The following PCDH15 variants were observed in gnomAD, a reference collection of about 807,000 sequenced individuals.
PCDH15 encodes protocadherin related 15.
PCDH15 carries 129 observed loss-of-function variants against 178.5 expected under a neutral mutation model. That is an observed-to-expected ratio of 0.72 (90% CI 0.63 to 0.84). PCDH15 has a LOEUF of 0.84. Ranked by LOEUF, PCDH15 falls within the 40% of genes least tolerant of loss-of-function variation. The pLI, the probability that PCDH15 is intolerant of heterozygous loss-of-function variation, is 0.00. For synonymous variants in PCDH15, 800 were observed against 732.0 expected, an observed-to-expected ratio of 1.09 and a Z score of -1.50; for missense variants, 2,230 against 2,099.9, an observed-to-expected ratio of 1.06 and a Z score of -1.21.
In PCDH15 at chr10:55,511,966, C is replaced by T. The variant is rs139033508; in HGVS notation, c.-156+115659G>A. 4.3e-3 allele frequency among the ~76,000 whole-genome samples: 655 copies of T among 152,154 alleles called. 4 individuals carry two copies. Among genetic ancestry groups the T allele is most frequent in the African/African-American group, 0.015 (627 of 41,534 alleles). ...AGGAGATTTGGAGAGAGGGCTTACA[C>T]TACACTAACTTGTGGTTAGTGTTCT... On this transcript the variant is annotated intron_variant, in intron 2 of 5. Transcript: ENST00000613346.
chr10:53,840,482 T>C lies in PCDH15; in HGVS notation c.3821A>G (p.Tyr1274Cys), dbSNP rs904260491. 64 of 1,613,800 alleles carry C rather than the reference T, an allele frequency of 4.0e-5. No individual in the cohort carries two copies. The highest frequency in any genetic ancestry group is 4.9e-5 in the Non-Finnish European group (58 of 1,179,858). ...IEDLTEILDR[Y>C]VQEQIPGAKV... ...GGCACCAGGAATTTGTTCCTGAACA[T>C]AGCGATCCAAGATCCTATAAATCAA... Residue 1274 changes from tyrosine to cysteine, a missense_variant, in exon 29 of 38, where the codon TAT becomes TGT. By Grantham distance (194) the Tyr-to-Cys change is radical (BLOSUM62 -2). Coordinates refer to ENST00000644397, the MANE Select transcript of PCDH15 (RefSeq NM_001384140.1).
intron 16 of PCDH15, among the ~76,000 whole-genome samples, chr10:54,081,988 A>G (rs796796342): frequency 4.6e-5 from 7 of 152,312 alleles, no homozygotes; most frequent in African/African-American, 1.7e-4. Flanking sequence ...GTTTTAAAAA[A>G]AGGTAAATCA....
Position 55,385,225 on chromosome 10 carries a change from G to T in PCDH15, c.-155-218574C>A, listed in dbSNP as rs553694884. On this transcript the variant is annotated intron_variant, in intron 2 of 5. Transcript: ENST00000613346. The stretch of plus-strand genomic sequence containing the variant: ...GGCAGCTTTCCGGGATGCCAAAATT[G>T]TCACTCTAGAATTGCAGAGGCATTG... Among the ~76,000 whole-genome samples the T allele has an allele frequency of 3.3e-5, 5 of 152,218 alleles. No individual in the cohort carries two copies. In the South Asian group the frequency reaches 1.0e-3, roughly 32 times the overall value.
chr10:54,442,679 TA>T (rs973030735), intron 3 of PCDH15, among the ~76,000 whole-genome samples: 1 of 150,656 alleles, frequency 6.6e-6, no homozygotes, highest in African/African-American at 2.4e-5. Flanking sequence ...AAATTATGCT[TA>T]AAAATGATTA....
At chr10:54,680,852 G>A (rs1380050779) in intron 1 of PCDH15, among the ~76,000 whole-genome samples, 2 of 152,254 alleles carry the variant, frequency 1.3e-5, no homozygotes, top group East Asian at 1.9e-4. Context: ...CCAGTCTTGG[G>A]TATGTCTTTA....
intron 2 of PCDH15, among the ~76,000 whole-genome samples, chr10:55,037,046 A>G (rs901664607): frequency 2.9e-4 from 44 of 152,290 alleles, no homozygotes; most frequent in African/African-American, 9.6e-4. Context: ...TCACCCCTGA[A>G]GATAAATAGT....
rs751586980 is a variant in PCDH15, at chr10:53,821,862, A to G, written c.4368-1632T>C. ...ACTAAAATAAGAAAAGCAACATTAC[A>G]GTGAAGTAGATTGACTGTGAGATTG... On this transcript the variant is annotated intron_variant, in intron 32 of 37. Coordinates refer to ENST00000644397, the MANE Select transcript of PCDH15 (RefSeq NM_001384140.1). 65 of 1,612,830 alleles carry G rather than the reference A, an allele frequency of 4.0e-5. No homozygotes were observed. The highest frequency in any genetic ancestry group is 5.1e-5 in the Non-Finnish European group (60 of 1,179,696).
chr10:54,779,025 T>C (rs1021229774), intron 1 of PCDH15, among the ~76,000 whole-genome samples: 4 of 152,088 alleles, frequency 2.6e-5, no homozygotes, highest in Non-Finnish European at 5.9e-5. Flanking sequence ...CTCCTTTTAC[T>C]CACATATTTA....
At chr10:55,508,744 T>C (rs1015265671) in intron 2 of PCDH15, among the ~76,000 whole-genome samples, 3 of 151,668 alleles carry the variant, frequency 2.0e-5, no homozygotes, top group Non-Finnish European at 4.4e-5. Context: ...CAAAAGAATA[T>C]TAGGTACTGC....
intron 2 of PCDH15, among the ~76,000 whole-genome samples, chr10:55,497,167 TC>T (rs1840553040): frequency 6.6e-6 from 1 of 151,912 alleles, no homozygotes; most frequent in Non-Finnish European, 1.5e-5. Flanking sequence ...TCTTGCTTTG[TC>T]ACCCAGGCTG....
intron 2 of PCDH15, among the ~76,000 whole-genome samples, chr10:55,366,441 A>G (rs1845363379): frequency 6.6e-6 from 1 of 152,156 alleles, no homozygotes; most frequent in South Asian, 2.1e-4. Flanking sequence ...TAACATTCCT[A>G]TGTACCCTGG....
At chr10:53,984,122 C>CTTTTTTTTTT (rs57184119) in intron 21 of PCDH15, among the ~76,000 whole-genome samples, 2 of 112,688 alleles carry the variant, frequency 1.8e-5, no homozygotes, top group Admixed American at 9.6e-5. Context: ...AAGTGCTTTT[C>CTTTTTTTTTT]TTTTTTTTTT....
chr10:54,478,200 G>A (rs113131262), intron 3 of PCDH15, among the ~76,000 whole-genome samples: 5,854 of 152,160 alleles, frequency 0.038, 170 homozygotes, highest in South Asian at 0.085. Context: ...TTTGCTTAGA[G>A]TGAGGCTGCT....
At chr10:55,332,475 C>A (rs992585256) in intron 2 of PCDH15, among the ~76,000 whole-genome samples, 8 of 152,046 alleles carry the variant, frequency 5.3e-5, no homozygotes, top group African/African-American at 1.7e-4. Flanking sequence ...TTCCAATTGA[C>A]ACTAAAAATA....
rs556420430 is a variant in PCDH15, at chr10:54,010,288, C to T, written c.2751+9904G>A. On this transcript the variant is annotated intron_variant, in intron 20 of 37. Transcript: ENST00000644397. ...TTTTCCATGTGGGTCCACACCCTTG[C>T]TACTTCTCACCGGGCAGGGCTTCCC... 1.6e-3 allele frequency among the ~76,000 whole-genome samples: 237 copies of T among 152,156 alleles called. 1 individual carries two copies. Among genetic ancestry groups the T allele is most frequent in the Non-Finnish European group, 2.4e-3 (163 of 68,010 alleles).
chr10:54,521,973 A>G (rs186184600), intron 3 of PCDH15, among the ~76,000 whole-genome samples: 250 of 150,250 alleles, frequency 1.7e-3, no homozygotes, highest in Non-Finnish European at 2.0e-3. Context: ...ATGTGGTCCT[A>G]GCTACTCGGG....
intron 2 of PCDH15, among the ~76,000 whole-genome samples, chr10:55,039,983 A>G (rs1840825600): frequency 6.6e-6 from 1 of 152,116 alleles, no homozygotes. Flanking sequence ...GGAGTAATGG[A>G]ACATTCATCC....
chr10:53,853,192 A>G (rs548088647), intron 28 of PCDH15, among the ~76,000 whole-genome samples: 1 of 152,030 alleles, frequency 6.6e-6, no homozygotes, highest in South Asian at 2.1e-4. Flanking sequence ...AACAACTAGT[A>G]TTGAAAAAAT....
chr10:54,560,264 CT>C (rs1304941426), intron 2 of PCDH15, among the ~76,000 whole-genome samples: 3 of 151,994 alleles, frequency 2.0e-5, no homozygotes, highest in Non-Finnish European at 4.4e-5. Flanking sequence ...TAATAATGTT[CT>C]CTCGAAATTC....
Sources: gnomAD v4.1 joint callset for allele counts (sites outside exome capture counted in the v4.1 genomes callset) on GRCh38, gnomAD v4.1.1 for gene constraint, MANE v1.5 for transcripts, NCBI Gene and HGNC (gene_info 2026-07-23, HGNC 2026-07-21) for gene names.